PRIMA1: variants seen among roughly 807,000 people sequenced by gnomAD.
The protein encoded by PRIMA1 is proline-rich membrane anchor 1.
In PRIMA1, 7 loss-of-function variants were observed where a neutral mutation model predicts 17.5. The ratio of observed to expected loss-of-function variants is 0.40; its 90% CI spans 0.23 to 0.75. The LOEUF is 0.75. Ranked by LOEUF, PRIMA1 falls within the 30% of genes least tolerant of loss-of-function variation. The pLI is 0.37. For missense variants in PRIMA1, 200 were observed against 201.8 expected (o/e 0.99, Z 0.05); for synonymous variants, 97 against 77.9 (o/e 1.25, Z -1.29).
chr14:93,739,957 T>C (rs2141163250), intron 3 of PRIMA1, among the ~76,000 whole-genome samples: 1 of 152,042 alleles, frequency 6.6e-6, no homozygotes. Context: ...TCCCAGCTAC[T>C]CAGGAGGCTG....
intron 3 of PRIMA1, among the ~76,000 whole-genome samples, chr14:93,738,929 G>T (rs2076167703): frequency 1.3e-5 from 2 of 151,996 alleles, no homozygotes. Context: ...TATTTTTTTT[G>T]TTCCTTTATT....
At chr14:93,785,861 C>T (rs920987936) in intron 2 of PRIMA1, among the ~76,000 whole-genome samples, 8 of 151,586 alleles carry the variant, frequency 5.3e-5, no homozygotes, top group South Asian at 2.1e-4. Context: ...GAAATACACC[C>T]GCACACACAC....
intron 3 of PRIMA1, among the ~76,000 whole-genome samples, chr14:93,755,971 A>C (rs1318651595): frequency 6.6e-6 from 1 of 152,048 alleles, no homozygotes; most frequent in Non-Finnish European, 1.5e-5. Flanking sequence ...CTTCTCCCAC[A>C]CGCAGCTGCC....
rs78344948 is a variant in PRIMA1 at position 93,760,051 on chromosome 14, C to T, written c.229+19125G>A. 9.0e-3 allele frequency among the ~76,000 whole-genome samples: 1,377 copies of T among 152,336 alleles called. 14 individuals carry two copies. Among genetic ancestry groups the T allele is most frequent in the African/African-American group, 0.031 (1,306 of 41,580 alleles). On this transcript the variant is annotated intron_variant, in intron 3 of 4. Coordinates refer to ENST00000393140, the MANE Select transcript of PRIMA1 (RefSeq NM_178013.4). ...GCCACAGGGCAACAGCTGCCGTCCC[C>T]GAGGGCTGCCTGACCATATTTAGAC...
In PRIMA1 at chr14:93,719,949, G is replaced by A. The variant is rs1483023507; in HGVS notation, c.*1495C>T. 1 of 152,222 alleles carries A rather than the reference G, an allele frequency of 6.6e-6. No individual in the cohort carries two copies. Among genetic ancestry groups the A allele is most frequent in the African/African-American group, 2.4e-5 (1 of 41,444 alleles). The allele number at this position is 152,222 out of a possible 1,614,324, so 9.4% of individuals were successfully genotyped here. On this transcript the variant is annotated 3_prime_UTR_variant, in exon 5 of 5. Transcript: ENST00000393140. ...GGGCACTAGGACTCTGGGACAATGG[G>A]CTTTTTAAGGTTCGGCCCAAATGGG... is the stretch of plus-strand genomic sequence containing the variant.
At chr14:93,763,182 A>C (rs1428422662) in intron 3 of PRIMA1, among the ~76,000 whole-genome samples, 1 of 152,148 alleles carries the variant, frequency 6.6e-6, no homozygotes, top group East Asian at 1.9e-4. Flanking sequence ...TAGTATACAG[A>C]AATGCTCAAG....
chr14:93,724,047 G>C (rs1193940086), intron 4 of PRIMA1, among the ~76,000 whole-genome samples: 1 of 152,148 alleles, frequency 6.6e-6, no homozygotes, highest in Admixed American at 6.6e-5. Flanking sequence ...ACCAAGCCTG[G>C]CTAAGTTTTA....
Position 93,720,734 on chromosome 14 carries a change from CG to C in PRIMA1, c.*709del, listed in dbSNP as rs1310498165. ...CGGGTTCAGTGAGTCGTTTTGCCCC[CG>C]GAAGGCCAGACACTGCCCCCGAGTG... On this transcript the variant is annotated 3_prime_UTR_variant, in exon 5 of 5. Transcript: ENST00000393140. 1 of 152,604 alleles carries C rather than the reference CG, an allele frequency of 6.6e-6. No individual in the cohort carries two copies. The highest frequency in any genetic ancestry group is 1.9e-4 in the East Asian group (1 of 5,192). 9.5% of individuals were successfully genotyped at this position (152,604 alleles called of 1,614,324 possible).
chr14:93,778,462 A>G (rs979428536), intron 3 of PRIMA1, among the ~76,000 whole-genome samples: 3 of 152,214 alleles, frequency 2.0e-5, no homozygotes, highest in Non-Finnish European at 4.4e-5. Context: ...AAATAATTCC[A>G]TGGAGATGTG....
intron 3 of PRIMA1, among the ~76,000 whole-genome samples, chr14:93,774,091 CA>C (rs1479669684): frequency 6.7e-6 from 1 of 148,338 alleles, no homozygotes; most frequent in African/African-American, 2.5e-5. Context: ...GACTCCGTCT[CA>C]AAAAAAAAGA....
rs1595189784 is a variant in PRIMA1 at position 93,727,228 on chromosome 14, C to G, written c.360-5682G>C. Reference sequence around the variant, plus strand: ...CGGCGGAACTGGCGACTGTGCATTTCTCATGCTTGCATCCTCCCCTGGGAG... The same window carrying G: ...CGGCGGAACTGGCGACTGTGCATTTGTCATGCTTGCATCCTCCCCTGGGAG... On this transcript the variant is annotated intron_variant, in intron 4 of 4. Transcript: ENST00000393140. Among the ~76,000 whole-genome samples the G allele has an allele frequency of 6.6e-5, 10 of 152,310 alleles. 2 individuals carry two copies. Among genetic ancestry groups the G allele is most frequent in the Admixed American group, 6.5e-4 (10 of 15,308 alleles).
intron 3 of PRIMA1, among the ~76,000 whole-genome samples, chr14:93,775,551 T>G (rs993236505): frequency 2.6e-5 from 4 of 152,320 alleles, no homozygotes; most frequent in Non-Finnish European, 5.9e-5. Context: ...CAGGCTGGAG[T>G]GCAATGGTGC....
At chr14:93,770,114 A>G (rs1213844826) in intron 3 of PRIMA1, among the ~76,000 whole-genome samples, 1 of 152,140 alleles carries the variant, frequency 6.6e-6, no homozygotes, top group African/African-American at 2.4e-5. Flanking sequence ...AACTTAGACC[A>G]GGGCGTGACA....
chr14:93,785,462 T>A (rs1885498274), intron 2 of PRIMA1, among the ~76,000 whole-genome samples: 1 of 152,218 alleles, frequency 6.6e-6, no homozygotes, highest in Non-Finnish European at 1.5e-5. Flanking sequence ...ATCCCATTAA[T>A]CATAGGACTT....
At chr14:93,724,066 G>A (rs868795262) in intron 4 of PRIMA1, among the ~76,000 whole-genome samples, 3 of 152,010 alleles carry the variant, frequency 2.0e-5, no homozygotes, top group Non-Finnish European at 4.4e-5. Flanking sequence ...TAAATTTTTT[G>A]TAGAGACAGG....
At chr14:93,758,702 C>T (rs2076308050) in intron 3 of PRIMA1, among the ~76,000 whole-genome samples, 1 of 152,106 alleles carries the variant, frequency 6.6e-6, no homozygotes, top group Non-Finnish European at 1.5e-5. Context: ...TCTTGTCTTC[C>T]AGCCACTTAG....
intron 4 of PRIMA1, among the ~76,000 whole-genome samples, chr14:93,729,305 CA>C (rs760308481): frequency 2.6e-5 from 4 of 152,202 alleles, no homozygotes; most frequent in African/African-American, 4.8e-5. Flanking sequence ...ACTCACAGTA[CA>C]ACCAGGTGTG....
intron 3 of PRIMA1, among the ~76,000 whole-genome samples, chr14:93,768,551 C>G (rs902811098): frequency 1.3e-5 from 2 of 152,142 alleles, no homozygotes. Context: ...GCTCAAGTGT[C>G]CAACTAGAGG....
At chr14:93,759,530 C>T (rs2076313884) in intron 3 of PRIMA1, among the ~76,000 whole-genome samples, 1 of 151,900 alleles carries the variant, frequency 6.6e-6, no homozygotes, top group Non-Finnish European at 1.5e-5. Context: ...CGTGTGTGTG[C>T]ATGTGTATTG....
Sources: allele counts gnomAD v4.1 joint callset (sites outside exome capture counted in the v4.1 genomes callset), GRCh38; gene constraint gnomAD v4.1.1; transcripts MANE v1.5; gene names NCBI Gene and HGNC (gene_info 2026-07-23, HGNC 2026-07-21).